GNA13: variants seen among roughly 807,000 people sequenced by gnomAD.
GNA13 encodes G protein subunit alpha 13.
A neutral mutation model predicts 33.5 loss-of-function variants in GNA13; 4 were observed. The observed-to-expected ratio is 0.12, with a 90% CI of 0.06 to 0.27. The LOEUF is 0.27. GNA13 is among the 10% of genes least tolerant of loss of function. The pLI is 1.00. For synonymous variants in GNA13, 176 were observed against 183.8 expected, an observed-to-expected ratio of 0.96 and a Z score of 0.34; for missense variants, 319 against 487.2, an observed-to-expected ratio of 0.65 and a Z score of 3.25.
At chr17:65,052,002 T>C (rs1907874518) in intron 2 of GNA13, 1 of 152,250 alleles carries the variant, frequency 6.6e-6, no homozygotes, top group Non-Finnish European at 1.5e-5. Flanking sequence ...TAAAAAGCTA[T>C]CGTGAACACT....
chr17:65,050,284 GATGGA>G (rs1267162354), intron 2 of GNA13, among the ~76,000 whole-genome samples: 1 of 152,240 alleles, frequency 6.6e-6, no homozygotes, highest in Non-Finnish European at 1.5e-5. Flanking sequence ...TAGATGAGTA[GATGGA>G]ATTGATGATG....
intron 3 of GNA13, 143 bp downstream of exon 3, chr17:65,018,110 A>G (rs1906440427): frequency 7.6e-6 from 1 of 132,046 alleles, no homozygotes; most frequent in Non-Finnish European, 1.4e-5. Flanking sequence ...AAAAAAAAAA[A>G]AAAAAAAAAA....
intron 2 of GNA13, among the ~76,000 whole-genome samples, chr17:65,040,564 G>GC (rs1907417011): frequency 6.6e-6 from 1 of 152,104 alleles, no homozygotes; most frequent in Non-Finnish European, 1.5e-5. Flanking sequence ...GAGTGCCGTG[G>GC]CATGACCTTG....
chr17:65,012,701 TG>T lies in GNA13; in HGVS notation c.*1555del. On this transcript the variant is annotated 3_prime_UTR_variant, in exon 4 of 4. Coordinates refer to ENST00000439174, the MANE Select transcript of GNA13 (RefSeq NM_006572.6). ...ACAACAGCCACTGACTTGGAAAGGCTGGGTGATCCATAACGACCAATCTTTC... is the reference window on the plus strand; with the variant it reads ...ACAACAGCCACTGACTTGGAAAGGCTGGTGATCCATAACGACCAATCTTTC... 4.4e-6 allele frequency: 1 copy of T among 229,062 alleles called. No homozygotes were observed. The highest frequency in any genetic ancestry group is 6.2e-5 in the East Asian group (1 of 16,088). The allele number at this position is 229,062 out of a possible 1,614,324, so 14.2% of individuals were successfully genotyped here. A position where few individuals can be genotyped will look rare whatever the true frequency, so the allele number is the denominator to read the frequency against.
chr17:65,038,613 G>A (rs1907349036), intron 2 of GNA13, among the ~76,000 whole-genome samples: 1 of 152,186 alleles, frequency 6.6e-6, no homozygotes, highest in South Asian at 2.1e-4. Flanking sequence ...GGTTGCGGGG[G>A]GGCGTTTCTC....
At chr17:65,037,788 A>AAAAAAAAAAAAAAAAAAC (rs1907307364) in intron 2 of GNA13, among the ~76,000 whole-genome samples, 1 of 149,352 alleles carries the variant, frequency 6.7e-6, no homozygotes, top group African/African-American at 2.4e-5. Context: ...GAAAAAAAAA[A>AAAAAAAAAAAAAAAAAAC]AAAAAAAAAA....
In GNA13 at chr17:65,032,093, G is replaced by A. The variant is rs192999913; in HGVS notation, c.511-13790C>T. ...ATTGTAACAGTAGGCTTATAATGAAGTCTATTCAGAAGCCATTCCATCTAG... is the reference window on the plus strand; with the variant it reads ...ATTGTAACAGTAGGCTTATAATGAAATCTATTCAGAAGCCATTCCATCTAG... On this transcript the variant is annotated intron_variant, in intron 2 of 3. Transcript: ENST00000439174. 3.9e-5 allele frequency among the ~76,000 whole-genome samples: 6 copies of A among 152,190 alleles called. No homozygotes were observed. In the East Asian group the frequency reaches 1.2e-3, roughly 29 times the overall value.
chr17:65,055,195 G>C (rs1907999206), intron 1 of GNA13, among the ~76,000 whole-genome samples: 1 of 152,156 alleles, frequency 6.6e-6, no homozygotes. Context: ...AGATGCACCT[G>C]AGTTACCAGG....
rs983574216 is a variant in GNA13 at position 65,032,934 on chromosome 17, A to G, written c.511-14631T>C. 9.9e-5 allele frequency among the ~76,000 whole-genome samples: 15 copies of G among 152,042 alleles called. 1 individual carries two copies. Among genetic ancestry groups the G allele is most frequent in the Non-Finnish European group, 2.2e-4 (15 of 68,022 alleles). On this transcript the variant is annotated intron_variant, in intron 2 of 3. Coordinates refer to ENST00000439174, the MANE Select transcript of GNA13 (RefSeq NM_006572.6). ...TACACTAGCCCGGCCAACTTGGTGA[A>G]ACCCCGTCTCTACTCAAAATGCAAA...
intron 3 of GNA13, among the ~76,000 whole-genome samples, chr17:65,017,255 A>G (rs1906402165): frequency 6.6e-6 from 1 of 152,218 alleles, no homozygotes; most frequent in African/African-American, 2.4e-5. Context: ...AAAGTTCTCT[A>G]TTATTGTCTT....
chr17:65,055,863 C>T (rs1908032919), intron 1 of GNA13: 1 of 555,388 alleles, frequency 1.8e-6, no homozygotes, highest in African/African-American at 2.0e-5. Flanking sequence ...TCGGGTCACC[C>T]AGCCAGGGTA....
At chr17:65,038,505 T>C (rs1200896608) in intron 2 of GNA13, among the ~76,000 whole-genome samples, 1 of 152,132 alleles carries the variant, frequency 6.6e-6, no homozygotes, top group Non-Finnish European at 1.5e-5. Flanking sequence ...CTCAACCTCC[T>C]GGGCTCAAGG....
At position 65,055,632 on chromosome 17, in the gene GNA13, T is replaced by C. The variant is rs1908020515; in HGVS notation, c.283+679A>G. The stretch of plus-strand genomic sequence containing the variant: ...GGGGCGAAAAAGCACAGATGCTACA[T>C]TTTCATGCTAACTGTATGGGTCCAC... On this transcript the variant is annotated intron_variant, in intron 1 of 3. Transcript: ENST00000439174. The C allele has an allele frequency of 2.0e-6, 2 of 985,176 alleles. 1 individual carries two copies. Among genetic ancestry groups the C allele is most frequent in the South Asian group, 9.4e-5 (2 of 21,282 alleles). 61.0% of individuals were successfully genotyped at this position (985,176 alleles called of 1,614,324 possible). A position where few individuals can be genotyped will look rare whatever the true frequency, so the allele number is the denominator to read the frequency against.
chr17:65,021,899 T>A (rs1050495973), intron 2 of GNA13, among the ~76,000 whole-genome samples: 1 of 152,218 alleles, frequency 6.6e-6, no homozygotes, highest in African/African-American at 2.4e-5. Context: ...TTAAGATCTT[T>A]CAAATGATCC....
intron 2 of GNA13, among the ~76,000 whole-genome samples, chr17:65,025,967 C>T (rs1463053701): frequency 2.0e-5 from 3 of 151,786 alleles, no homozygotes; most frequent in Non-Finnish European, 2.9e-5. Flanking sequence ...CATCGTTTTA[C>T]GTGGTAAACA....
Position 65,038,426 on chromosome 17 carries a change from T to C in GNA13, c.510+15076A>G, listed in dbSNP as rs76093592. 9.9e-5 allele frequency among the ~76,000 whole-genome samples: 15 copies of C among 152,202 alleles called. No homozygotes were observed. The East Asian group carries it at 2.3e-3, about 24-fold the overall frequency. ...TCAAAAAAAAAAAAAAACCATTTAT[T>C]TTTAGAGACAGGGTCTTGCTTTGTC... On this transcript the variant is annotated intron_variant, in intron 2 of 3. Transcript: ENST00000439174.
chr17:65,034,671 G>A (rs1907179405), intron 2 of GNA13, among the ~76,000 whole-genome samples: 1 of 152,110 alleles, frequency 6.6e-6, no homozygotes, highest in African/African-American at 2.4e-5. Context: ...AACACAAAAT[G>A]TACAACGCAG....
chr17:65,052,886 G>T (rs117098907), intron 2 of GNA13, among the ~76,000 whole-genome samples: 3 of 152,132 alleles, frequency 2.0e-5, no homozygotes, highest in Non-Finnish European at 4.4e-5. Flanking sequence ...AATTAGCTAG[G>T]TGTGGTGGCA....
In GNA13 at chr17:65,014,412, C is replaced by T. The variant is rs376356001; in HGVS notation, c.979G>A (p.Val327Met). 1 of 1,614,106 alleles carries T rather than the reference C, an allele frequency of 6.2e-7. No individual in the cohort carries two copies. Among genetic ancestry groups the T allele is most frequent in the Non-Finnish European group, 8.5e-7 (1 of 1,180,022 alleles). Residue 327 changes from valine to methionine, a missense_variant, in exon 4 of 4, where the codon GTG (valine) becomes ATG (methionine). Transcript: ENST00000439174. This position sits in a 1 kb window ranked among gnomAD's most constrained non-coding sequence, Gnocchi z 5.3. ...CGGCGTTTGTTCCGGAAACATTCCACCAGGAATTTTTGGACGTCTCTTAAG... is the reference window on the plus strand; with the variant it reads ...CGGCGTTTGTTCCGGAAACATTCCATCAGGAATTTTTGGACGTCTCTTAAG... ...HCLRDVQKFL[V>M]ECFRNKRRDQ... is the part of the protein sequence containing the mutation.
Sources: gnomAD v4.1 joint callset for allele counts (sites outside exome capture counted in the v4.1 genomes callset) on GRCh38, gnomAD v4.1.1 for gene constraint, Gnocchi (gnomAD v3.1) non-coding constraint, MANE v1.5 for transcripts, NCBI Gene and HGNC (gene_info 2026-07-23, HGNC 2026-07-21) for gene names.